L1TD1: variants seen among roughly 807,000 people sequenced by gnomAD.
The protein encoded by L1TD1 is LINE-1 type transposase domain-containing protein 1.
In L1TD1, 26 loss-of-function variants were observed where a neutral mutation model predicts 25.7. The observed-to-expected ratio is 1.01, with a 90% CI of 0.74 to 1.40. The LOEUF is 1.40. Ranked by LOEUF, L1TD1 falls within the 40% of genes most tolerant of loss-of-function variation. The pLI is 0.00. For missense variants in L1TD1, 1,130 were observed against 975.0 expected, an observed-to-expected ratio of 1.16 and a Z score of -2.12; for synonymous variants, 421 against 335.6, an observed-to-expected ratio of 1.25 and a Z score of -2.78.
chr1:62,206,097 GCAATTCAAAAGGGA>G lies in L1TD1; in HGVS notation c.-110-418_-110-405del, dbSNP rs1418231498. Among the ~76,000 whole-genome samples the G allele has an allele frequency of 4.6e-5, 7 of 152,246 alleles. No homozygotes were observed. The East Asian group carries it at 1.4e-3, about 29-fold the overall frequency. On this transcript the variant is annotated intron_variant, in intron 2 of 3. Transcript: ENST00000498273. The stretch of plus-strand genomic sequence containing the variant: ...AAAAGTCTTAATGTTAACAATCTCT[GCAATTCAAAAGGGA>G]CAACTATTTCTCAATTTTGCGTAAG...
chr1:62,198,292 C>G (rs1212263650), intron 2 of L1TD1, among the ~76,000 whole-genome samples: 1 of 151,798 alleles, frequency 6.6e-6, no homozygotes, highest in East Asian at 1.9e-4. Flanking sequence ...GATCACACCA[C>G]TGCTTGCCAC....
rs149169416 is a variant in L1TD1 at position 62,205,933 on chromosome 1, G to A, written c.-110-586G>A. ...TTTTTGTAGAGACAGGTCACCCTAT[G>A]TTGCCCAGGCTGGTCTCGAACTCCT... On this transcript the variant is annotated intron_variant, in intron 2 of 3. Transcript: ENST00000498273. Among the ~76,000 whole-genome samples, 15 of 152,088 alleles carry A rather than the reference G, an allele frequency of 9.9e-5. 1 individual carries two copies. In the East Asian group the frequency reaches 2.1e-3, roughly 22 times the overall value.
rs1276008794 is a variant in L1TD1, at chr1:62,210,750, T to C, written c.1976T>C (p.Leu659Pro). ...GATCTGAGTAGCAGAATGGACATAC[T>C]TGAAGAAAGAATAGACAGTCTAGAA... Reference protein sequence around the residue: ...VDDLSSRMDILEERIDSLEDQ... With the variant: ...VDDLSSRMDIPEERIDSLEDQ... Residue 659 changes from leucine (L) to proline (P), a missense_variant, in exon 4 of 4, where the codon CTT becomes CCT. By Grantham distance (98) the Leu-to-Pro change is moderately conservative. Transcript: ENST00000498273. 8 of 1,551,576 alleles carry C rather than the reference T, an allele frequency of 5.2e-6. No homozygotes were observed. The highest frequency in any genetic ancestry group is 1.4e-5 in the African/African-American group (1 of 73,162).
chr1:62,208,145 G>A (rs11802658), intron 3 of L1TD1: 20,045 of 153,116 alleles, frequency 0.13, 1,641 homozygotes, highest in African/African-American at 0.22. Flanking sequence ...CTTCTTGGCA[G>A]CTGGTTTCAT....
At chr1:62,206,202 T>C (rs939965119) in intron 2 of L1TD1, among the ~76,000 whole-genome samples, 1 of 152,196 alleles carries the variant, frequency 6.6e-6, no homozygotes, top group Non-Finnish European at 1.5e-5. Flanking sequence ...TCTTAAAGAA[T>C]AACATCTATT....
chr1:62,209,950 A>G lies in L1TD1; in HGVS notation c.1176A>G (p.Ser392=). Residue 392 remains serine (S), a synonymous_variant, in exon 4 of 4, where the codon TCA becomes TCG. Coordinates refer to ENST00000498273, the MANE Select transcript of L1TD1 (RefSeq NM_019079.5). The part of the protein sequence containing the change: ...SELEELDEEA[S]GMEDDEDTSG... ...TAGAGGAGCTGGATGAAGAGGCCTCAGGGATGGAGGATGATGAAGATACCT... is the reference window on the plus strand; with the variant it reads ...TAGAGGAGCTGGATGAAGAGGCCTCGGGGATGGAGGATGATGAAGATACCT... 2 of 1,612,140 alleles carry G rather than the reference A, an allele frequency of 1.2e-6. No homozygotes were observed. Among genetic ancestry groups the G allele is most frequent in the Non-Finnish European group, 1.7e-6 (2 of 1,178,770 alleles).
rs1274921081 is a variant in L1TD1, at chr1:62,199,371, G to A, written c.-111+2843G>A. Among the ~76,000 whole-genome samples, 3 of 152,034 alleles carry A rather than the reference G, an allele frequency of 2.0e-5. No homozygotes were observed. The East Asian group carries it at 5.8e-4, about 30-fold the overall frequency. ...AAATTAGCCGGGCATGGTGGCGTGT[G>A]CCTGTTGTCCCAGCAACTCAGGAGG... On this transcript the variant is annotated intron_variant, in intron 2 of 3. Coordinates refer to ENST00000498273, the MANE Select transcript of L1TD1 (RefSeq NM_019079.5).
intron 2 of L1TD1, among the ~76,000 whole-genome samples, chr1:62,205,394 T>TCTCTCTCTCA (rs1670719601): frequency 3.4e-5 from 1 of 29,308 alleles, no homozygotes; most frequent in Non-Finnish European, 5.9e-5. Context: ...TCTCTTTCTC[T>TCTCTCTCTCA]CTCTCTCTCT....
chr1:62,202,367 ATTTACATGT>A (rs374141332), intron 2 of L1TD1, among the ~76,000 whole-genome samples: 6 of 150,804 alleles, frequency 4.0e-5, no homozygotes, highest in South Asian at 2.1e-4. Context: ...TTTAGTAATC[ATTTACATGT>A]TTTACATGTT....
At position 62,211,417 on chromosome 1, in the gene L1TD1, G is replaced by A; in HGVS notation, c.*45G>A. ...ACAATATGCTTTCCTCCCCCAGCAT[G>A]CATCCAAAAATCAACAAGTAAAACG... On this transcript the variant is annotated 3_prime_UTR_variant, in exon 4 of 4. Transcript: ENST00000498273. The A allele has an allele frequency of 6.6e-7, 1 of 1,523,882 alleles. No homozygotes were observed. Among genetic ancestry groups the A allele is most frequent in the South Asian group, 1.3e-5 (1 of 74,710 alleles). The allele number at this position is 1,523,882 out of a possible 1,614,324, so 94.4% of individuals were successfully genotyped here.
chr1:62,205,415 C>T (rs868505837), intron 2 of L1TD1, among the ~76,000 whole-genome samples: 2 of 33,898 alleles, frequency 5.9e-5, no homozygotes, highest in East Asian at 1.2e-3. Context: ...CTCTCTCTCT[C>T]TCTATATATA....
At chr1:62,205,433 A>ATTTTTT (rs1161372604) in intron 2 of L1TD1, among the ~76,000 whole-genome samples, 1 of 40,070 alleles carries the variant, frequency 2.5e-5, no homozygotes, top group Non-Finnish European at 6.0e-5. Context: ...ATATATATAT[A>ATTTTTT]TATATATATA....
In L1TD1 at chr1:62,196,484, G is replaced by C. The variant is rs41289434; in HGVS notation, c.-155G>C. The stretch of plus-strand genomic sequence containing the variant: ...ACCCGAGTCCTGCTCTGCGGAGTTC[G>C]TCTTCCCAGCGAAGGTACAGAGGCG... On this transcript the variant is annotated 5_prime_UTR_variant, in exon 2 of 4. Transcript: ENST00000498273. 29,998 of 151,824 alleles carry C rather than the reference G, an allele frequency of 0.2. 3,184 individuals carry two copies. Among genetic ancestry groups the C allele is most frequent in the Non-Finnish European group, 0.23 (15,691 of 67,940 alleles). 9.4% of individuals were successfully genotyped at this position (151,824 alleles called of 1,614,324 possible).
chr1:62,209,471 A>C (rs980427971), intron 3 of L1TD1, among the ~76,000 whole-genome samples: 1 of 152,074 alleles, frequency 6.6e-6, no homozygotes, highest in Non-Finnish European at 1.5e-5. Context: ...TAAAATAGGT[A>C]ATTACTGAGG....
Position 62,210,162 on chromosome 1 carries a change from A to G in L1TD1, c.1388A>G (p.Asp463Gly). Residue 463 changes from aspartate to glycine, a missense_variant, in exon 4 of 4, where the codon GAT becomes GGT. Asp to Gly is a moderately conservative substitution (Grantham distance 94, BLOSUM62 -1). Coordinates refer to ENST00000498273, the MANE Select transcript of L1TD1 (RefSeq NM_019079.5). ...DAKHEVEITS[D>G]GMETTFIDSV... ...AAGCATGAAGTTGAGATAACCAGTG[A>G]TGGCATGGAAACTACTTTCATTGAC... 6.2e-7 allele frequency: 1 copy of G among 1,614,138 alleles called. No homozygotes were observed. Among genetic ancestry groups the G allele is most frequent in the Non-Finnish European group, 8.5e-7 (1 of 1,180,036 alleles).
intron 2 of L1TD1, among the ~76,000 whole-genome samples, chr1:62,205,349 AAAT>A (rs1342023225): frequency 6.9e-6 from 1 of 144,936 alleles, no homozygotes; most frequent in Non-Finnish European, 1.5e-5. Flanking sequence ...GAAAAAAACA[AAAT>A]AAAACCAACG....
intron 2 of L1TD1, among the ~76,000 whole-genome samples, chr1:62,206,028 G>T (rs1402706764): frequency 6.6e-6 from 1 of 152,234 alleles, no homozygotes; most frequent in South Asian, 2.1e-4. Context: ...ACCATGCCTG[G>T]CCAAGAAAGT....
At chr1:62,198,566 A>T (rs974078932) in intron 2 of L1TD1, among the ~76,000 whole-genome samples, 2 of 151,846 alleles carry the variant, frequency 1.3e-5, no homozygotes, top group East Asian at 3.9e-4. Context: ...GCCAGTGTTG[A>T]AAAGGTAATA....
chr1:62,209,415 G>A (rs549501749), intron 3 of L1TD1, among the ~76,000 whole-genome samples: 1 of 151,494 alleles, frequency 6.6e-6, no homozygotes, highest in African/African-American at 2.4e-5. Context: ...AGATTACAAT[G>A]CCTATTTACC....
Sources: allele counts gnomAD v4.1 joint callset (sites outside exome capture counted in the v4.1 genomes callset), GRCh38; gene constraint gnomAD v4.1.1; transcripts MANE v1.5; gene names NCBI Gene and HGNC (gene_info 2026-07-23, HGNC 2026-07-21).